Variants in CD55 observed in about 807,000 individuals in gnomAD.
CD55 encodes complement decay-accelerating factor.
A neutral mutation model predicts 45.8 loss-of-function variants in CD55; 41 were observed. The observed-to-expected ratio is 0.90, with a 90% CI of 0.70 to 1.16. CD55 has a LOEUF of 1.16. CD55 is among the 50% of genes most tolerant of loss of function. CD55 has a pLI of 0.00. For synonymous variants in CD55, 181 were observed against 181.1 expected, an observed-to-expected ratio of 1.00 and a Z score of 0.01; for missense variants, 416 against 469.8, an observed-to-expected ratio of 0.89 and a Z score of 1.06.
At chr1:207,329,831 C>T (rs1051336552) in intron 5 of CD55, among the ~76,000 whole-genome samples, 1 of 151,980 alleles carries the variant, frequency 6.6e-6, no homozygotes, top group Non-Finnish European at 1.5e-5. Flanking sequence ...AGGCTGGTCT[C>T]GAACTCCTGG....
At chr1:207,356,231 T>C (rs1546431) in intron 9 of CD55, among the ~76,000 whole-genome samples, 134 of 152,092 alleles carry the variant, frequency 8.8e-4, no homozygotes, top group Non-Finnish European at 1.5e-3. Context: ...TTCTGATGAT[T>C]TTTAAAAATT....
chr1:207,357,302 T>C (rs1196229728), intron 9 of CD55, among the ~76,000 whole-genome samples: 1 of 152,072 alleles, frequency 6.6e-6, no homozygotes, highest in Non-Finnish European at 1.5e-5. Flanking sequence ...AGAAACGTTT[T>C]AGGAATGTGA....
chr1:207,341,556 T>C (rs1655427859), intron 9 of CD55, among the ~76,000 whole-genome samples: 1 of 152,222 alleles, frequency 6.6e-6, no homozygotes, highest in African/African-American at 2.4e-5. Flanking sequence ...AAAAAATCAG[T>C]TAGCTATAAA....
rs78536984 is a variant in CD55 at position 207,330,040 on chromosome 1, T to C, written c.665-1068T>C. Among the ~76,000 whole-genome samples the C allele has an allele frequency of 3.3e-5, 5 of 152,056 alleles. No homozygotes were observed. The South Asian group carries it at 8.3e-4, about 25-fold the overall frequency. ...ATTGAAATCATTTCTGAATCTTTTTTCCCACTAGCTTTTAAGACATAGGAA... is the reference window on the plus strand; with the variant it reads ...ATTGAAATCATTTCTGAATCTTTTTCCCCACTAGCTTTTAAGACATAGGAA... On this transcript the variant is annotated intron_variant, in intron 5 of 9. Transcript: ENST00000367064.
rs185606784 is a variant in CD55 at position 207,353,861 on chromosome 1, A to G, written c.1082-5685A>G. On this transcript the variant is annotated intron_variant, in intron 9 of 9. Transcript: ENST00000367064. Reference sequence around the variant, plus strand: ...GTTACTCAAGCATACTGTTTTTCAAATCATCTACGAAAATCTCTTCCCAGG... The same window carrying G: ...GTTACTCAAGCATACTGTTTTTCAAGTCATCTACGAAAATCTCTTCCCAGG... 162 of 611,812 alleles carry G rather than the reference A, an allele frequency of 2.6e-4. 1 individual carries two copies. The East Asian group carries it at 4.4e-3, about 17-fold the overall frequency. 37.9% of individuals were successfully genotyped at this position (611,812 alleles called of 1,614,324 possible).
intron 9 of CD55, among the ~76,000 whole-genome samples, chr1:207,344,304 G>T (rs1655544479): frequency 1.3e-5 from 2 of 151,908 alleles, no homozygotes; most frequent in Non-Finnish European, 2.9e-5. Context: ...TTGTGTGTTT[G>T]CTCTACCAGT....
intron 9 of CD55, 26 bp from the exon 10 acceptor site, chr1:207,359,520 T>TC (rs1656206514): frequency 6.7e-7 from 1 of 1,495,660 alleles, no homozygotes; most frequent in African/African-American, 1.5e-5. Flanking sequence ...TTTTAACTTT[T>TC]TTTTTTTTTT....
chr1:207,348,484 A>G (rs1412691700), intron 9 of CD55, among the ~76,000 whole-genome samples: 1 of 152,122 alleles, frequency 6.6e-6, no homozygotes, highest in African/African-American at 2.4e-5. Flanking sequence ...TGTTAGATGC[A>G]TAGTTTGCAA....
At chr1:207,353,567 CT>C (rs1295891039) in intron 9 of CD55, among the ~76,000 whole-genome samples, 3 of 152,030 alleles carry the variant, frequency 2.0e-5, no homozygotes, top group Non-Finnish European at 2.9e-5. Flanking sequence ...TTACATGCCC[CT>C]ATACATGACA....
chr1:207,337,136 C>A (rs1343180758), intron 7 of CD55, 193 bp from the exon 8 acceptor site: 1 of 606,882 alleles, frequency 1.6e-6, no homozygotes, highest in Non-Finnish European at 2.9e-6. Flanking sequence ...TACAAAGACC[C>A]CTTCTGCAGC....
At chr1:207,356,591 C>T (rs1651172092) in intron 9 of CD55, among the ~76,000 whole-genome samples, 1 of 152,024 alleles carries the variant, frequency 6.6e-6, no homozygotes, top group African/African-American at 2.4e-5. Context: ...TAATAGATGC[C>T]AGTCCAGCTC....
chr1:207,331,045 C>A, intron 5 of CD55, 63 bp from the exon 6 acceptor site: 1 of 1,173,688 alleles, frequency 8.5e-7, no homozygotes, highest in South Asian at 1.5e-5. Flanking sequence ...ATGTTTTGAT[C>A]TTATTTGTAA....
chr1:207,358,973 T>A (rs1572906729), intron 9 of CD55, among the ~76,000 whole-genome samples: 1 of 152,196 alleles, frequency 6.6e-6, no homozygotes, highest in South Asian at 2.1e-4. Context: ...CATGAGATGG[T>A]TGACCTACCT....
chr1:207,336,493 A>G lies in CD55; in HGVS notation c.854-200A>G, dbSNP rs891170901. On this transcript the variant is annotated intron_variant, in intron 6 of 9. Transcript: ENST00000367064. ...GTATAAGTCTTCTTTAGTTACCCAT[A>G]GGTATAATTTATATCAAAGCAAACG... 3.9e-5 allele frequency among the ~76,000 whole-genome samples: 6 copies of G among 152,162 alleles called. 1 individual carries two copies. The South Asian group carries it at 6.2e-4, about 16-fold the overall frequency.
chr1:207,332,133 A>G (rs1654973171), intron 6 of CD55, among the ~76,000 whole-genome samples: 1 of 152,094 alleles, frequency 6.6e-6, no homozygotes, highest in Non-Finnish European at 1.5e-5. Context: ...CTTCTCTATC[A>G]CTAGTCCTAC....
chr1:207,350,211 T>C (rs531827374), intron 9 of CD55: 1 of 410,432 alleles, frequency 2.4e-6, no homozygotes, highest in Admixed American at 2.7e-5. Context: ...GAATAAAGCC[T>C]ACTTGATCGT....
At chr1:207,329,739 G>A (rs567297892) in intron 5 of CD55, among the ~76,000 whole-genome samples, 5 of 151,988 alleles carry the variant, frequency 3.3e-5, no homozygotes, top group Non-Finnish European at 7.4e-5. Context: ...AGCCTCCCTT[G>A]TAGCTGGGAC....
intron 6 of CD55, among the ~76,000 whole-genome samples, chr1:207,335,524 A>G (rs899330813): frequency 8.5e-5 from 13 of 152,374 alleles, no homozygotes; most frequent in Admixed American, 7.8e-4. Flanking sequence ...TCTCTGGATC[A>G]AAACTGAGAA....
At chr1:207,325,470 G>A in intron 3 of CD55, 152 bp from the exon 4 acceptor site, 1 of 452,508 alleles carries the variant, frequency 2.2e-6, no homozygotes, top group Non-Finnish European at 3.9e-6. Context: ...TATTATCTTA[G>A]GTGTACAACA....
Sources: gnomAD v4.1 joint callset for allele counts (sites outside exome capture counted in the v4.1 genomes callset) on GRCh38, gnomAD v4.1.1 for gene constraint, MANE v1.5 for transcripts, NCBI Gene and HGNC (gene_info 2026-07-23, HGNC 2026-07-21) for gene names.